TINAG: variants seen among roughly 807,000 people sequenced by gnomAD.
TINAG encodes tubulointerstitial nephritis antigen.
A neutral mutation model predicts 72.7 loss-of-function variants in TINAG; 83 were observed. The observed-to-expected ratio is 1.14, with a 90% CI of 0.96 to 1.37. The LOEUF (loss-of-function observed/expected upper bound fraction) is 1.37, where lower values mean the gene tolerates loss of function less well. Among genes scored for constraint, TINAG ranks in the 40% most tolerant of loss-of-function variants. The pLI, the probability that TINAG is intolerant of heterozygous loss-of-function variation, is 0.00. For synonymous variants in TINAG, 234 were observed against 189.9 expected, an observed-to-expected ratio of 1.23 and a Z score of -1.91; for missense variants, 685 against 576.6, an observed-to-expected ratio of 1.19 and a Z score of -1.93.
chr6:54,368,760 C>T lies in TINAG; in HGVS notation c.1251-11766C>T, dbSNP rs556383945. 3.3e-5 allele frequency among the ~76,000 whole-genome samples: 5 copies of T among 151,632 alleles called. No individual in the cohort carries two copies. The East Asian group carries it at 7.7e-4, about 23-fold the overall frequency. On this transcript the variant is annotated intron_variant, in intron 9 of 10. Coordinates refer to ENST00000259782, the MANE Select transcript of TINAG (RefSeq NM_014464.4). ...AGATTAAAAAACAAAACAAAAACCTCAGAACAACTTAAATTGAATTTTTTT... is the reference window on the plus strand; with the variant it reads ...AGATTAAAAAACAAAACAAAAACCTTAGAACAACTTAAATTGAATTTTTTT...
At chr6:54,353,973 G>A (rs1443118728) in intron 8 of TINAG, among the ~76,000 whole-genome samples, 1 of 151,844 alleles carries the variant, frequency 6.6e-6, no homozygotes, top group East Asian at 1.9e-4. Context: ...TTTTTAAAGT[G>A]TACAACATTG....
At chr6:54,360,235 C>T (rs530299141) in intron 9 of TINAG, among the ~76,000 whole-genome samples, 19 of 151,562 alleles carry the variant, frequency 1.3e-4, no homozygotes, top group African/African-American at 4.3e-4. Context: ...GCCTTATTTC[C>T]CCCCTCTCTC....
Position 54,353,578 on chromosome 6 carries a change from T to C in TINAG, c.1127-935T>C, listed in dbSNP as rs529858591. On this transcript the variant is annotated intron_variant, in intron 8 of 10. Transcript: ENST00000259782. ...CTCTAGGAATGTGTTTTAGAGTAGA[T>C]AAAGAAGTTTTAACCTCTTTTGCGA... Among the ~76,000 whole-genome samples, 3 of 151,926 alleles carry C rather than the reference T, an allele frequency of 2.0e-5. No individual in the cohort carries two copies. The East Asian group carries it at 5.8e-4, about 30-fold the overall frequency.
chr6:54,360,841 G>GTTTTGTTTTTTTTTTTTTTTTTTTTTT (rs1763205728), intron 9 of TINAG, among the ~76,000 whole-genome samples: 1 of 26,242 alleles, frequency 3.8e-5, no homozygotes, highest in Non-Finnish European at 8.5e-5. Flanking sequence ...CAGATACTGT[G>GTTTTGTTTTTTTTTTTTTTTTTTTTTT]TTTTTTTTTT....
At chr6:54,322,408 A>T (rs1431382690) in intron 3 of TINAG, among the ~76,000 whole-genome samples, 1 of 152,130 alleles carries the variant, frequency 6.6e-6, no homozygotes, top group Non-Finnish European at 1.5e-5. Context: ...AGGAAGAGGA[A>T]CAAGCCAGCT....
intron 6 of TINAG, among the ~76,000 whole-genome samples, chr6:54,347,738 G>A (rs1658458413): frequency 6.6e-6 from 1 of 151,918 alleles, no homozygotes; most frequent in Non-Finnish European, 1.5e-5. Context: ...TACATTTCTA[G>A]CTAAATTAAT....
intron 9 of TINAG, among the ~76,000 whole-genome samples, chr6:54,361,504 C>T (rs1347495223): frequency 6.6e-6 from 1 of 151,646 alleles, no homozygotes; most frequent in African/African-American, 2.4e-5. Context: ...CTCATGAGAA[C>T]TCACTATTAC....
chr6:54,337,658 G>A (rs1225014546), intron 4 of TINAG, among the ~76,000 whole-genome samples: 2 of 152,154 alleles, frequency 1.3e-5, no homozygotes, highest in African/African-American at 4.8e-5. Flanking sequence ...AGCCTCTGTG[G>A]AAACCAAAAC....
intron 3 of TINAG, among the ~76,000 whole-genome samples, chr6:54,325,857 C>T (rs1477174397): frequency 6.6e-6 from 1 of 152,094 alleles, no homozygotes; most frequent in Non-Finnish European, 1.5e-5. Context: ...TATGAACTAA[C>T]AGATCTTGTA....
At chr6:54,343,618 C>A (rs1582722782) in intron 5 of TINAG, among the ~76,000 whole-genome samples, 1 of 150,952 alleles carries the variant, frequency 6.6e-6, no homozygotes, top group African/African-American at 2.4e-5. Flanking sequence ...ATGTGTTTGT[C>A]TATTCAGAGT....
At chr6:54,317,240 TGCTC>T (rs1784392142) in intron 1 of TINAG, among the ~76,000 whole-genome samples, 1 of 149,582 alleles carries the variant, frequency 6.7e-6, no homozygotes, top group Admixed American at 6.6e-5. Flanking sequence ...CTCGCTTTCT[TGCTC>T]TCTCTTTCTT....
At chr6:54,349,989 T>C in intron 7 of TINAG, 93 bp downstream of exon 7, 1 of 734,002 alleles carries the variant, frequency 1.4e-6, no homozygotes. Flanking sequence ...TAATTAAAAC[T>C]ATTATATTCT....
intron 3 of TINAG, among the ~76,000 whole-genome samples, chr6:54,324,205 C>T (rs1022204567): frequency 6.6e-6 from 1 of 152,182 alleles, no homozygotes; most frequent in Non-Finnish European, 1.5e-5. Context: ...TTCATCTTTT[C>T]ACATCAGCAA....
chr6:54,368,529 C>T (rs946250993), intron 9 of TINAG, among the ~76,000 whole-genome samples: 1 of 150,868 alleles, frequency 6.6e-6, no homozygotes, highest in African/African-American at 2.4e-5. Context: ...GTACCTCTTC[C>T]TCACTCTTTT....
intron 10 of TINAG, among the ~76,000 whole-genome samples, chr6:54,382,074 T>C (rs1008052376): frequency 2.0e-5 from 3 of 152,078 alleles, no homozygotes; most frequent in South Asian, 2.1e-4. Flanking sequence ...AACACATACA[T>C]GCACACTATC....
intron 10 of TINAG, among the ~76,000 whole-genome samples, chr6:54,381,439 T>C (rs1434853538): frequency 2.6e-5 from 4 of 152,024 alleles, no homozygotes; most frequent in Non-Finnish European, 5.9e-5. Flanking sequence ...GTAGAGGGCA[T>C]ATTTTGGCTT....
At chr6:54,308,210 C>A (rs1784155606), upstream of TINAG, 2 of 1,284,514 alleles carry the variant, frequency 1.6e-6, no homozygotes, top group East Asian at 2.5e-5. Context: ...GATTTAAGAA[C>A]CTAGATTTTT....
At chr6:54,363,619 CAAAA>C (rs75017897) in intron 9 of TINAG, among the ~76,000 whole-genome samples, 2 of 115,512 alleles carry the variant, frequency 1.7e-5, no homozygotes, top group Non-Finnish European at 1.9e-5. Flanking sequence ...CAACGGGTAT[CAAAA>C]AAAAAAAAAA....
At chr6:54,311,358 T>C (rs553832946) in intron 1 of TINAG, among the ~76,000 whole-genome samples, 1 of 152,226 alleles carries the variant, frequency 6.6e-6, no homozygotes, top group East Asian at 1.9e-4. Flanking sequence ...CATAAAGAAG[T>C]CCATGATGGA....
Sources: gnomAD v4.1 joint callset for allele counts (sites outside exome capture counted in the v4.1 genomes callset) on GRCh38, gnomAD v4.1.1 for gene constraint, MANE v1.5 for transcripts, NCBI Gene and HGNC (gene_info 2026-07-23, HGNC 2026-07-21) for gene names.